The following CYRIB variants were observed in gnomAD, a reference collection of about 807,000 sequenced individuals.
CYRIB encodes CYFIP related Rac1 interactor B, also known as CYFIP-related Rac1 interactor B.
CYRIB carries 8 observed loss-of-function variants against 44.2 expected under a neutral mutation model. That is an observed-to-expected ratio of 0.18 (90% CI 0.11 to 0.33). The LOEUF (loss-of-function observed/expected upper bound fraction) is 0.33. Among genes scored for constraint, CYRIB ranks in the 10% least tolerant of loss-of-function variants. The pLI is 1.00. For synonymous variants in CYRIB, 131 were observed against 127.2 expected (o/e 1.03, Z -0.20); for missense variants, 185 against 382.8 (o/e 0.48, Z 4.31).
intron 7 of CYRIB, among the ~76,000 whole-genome samples, chr8:129,852,704 G>T (rs2043970491): frequency 6.6e-6 from 1 of 152,204 alleles, no homozygotes; most frequent in Non-Finnish European, 1.5e-5. Context: ...TCCTTTTGCA[G>T]GTCATATTGG....
intron 1 of CYRIB, among the ~76,000 whole-genome samples, chr8:129,991,061 G>A (rs1417242025): frequency 2.7e-5 from 4 of 150,462 alleles, no homozygotes; most frequent in Non-Finnish European, 2.9e-5. Flanking sequence ...GAGCCCAGGA[G>A]GTGAGGGTTG....
intron 2 of CYRIB, among the ~76,000 whole-genome samples, chr8:129,883,363 C>A (rs748411011): frequency 1.3e-5 from 2 of 151,922 alleles, no homozygotes; most frequent in Non-Finnish European, 2.9e-5. Flanking sequence ...GCAAAATCAC[C>A]CGACTGAGAA....
At chr8:129,952,005 C>G (rs1192343402) in intron 2 of CYRIB, among the ~76,000 whole-genome samples, 1 of 152,060 alleles carries the variant, frequency 6.6e-6, no homozygotes, top group African/African-American at 2.4e-5. Context: ...GAACAAAGTA[C>G]AAAACTACAT....
chr8:129,930,256 T>C (rs1193069796), intron 1 of CYRIB, among the ~76,000 whole-genome samples: 1 of 149,294 alleles, frequency 6.7e-6, no homozygotes, highest in Non-Finnish European at 1.5e-5. Flanking sequence ...ATCTCTTACT[T>C]ATGAGACCCT....
chr8:129,929,641 A>C (rs530962831), intron 1 of CYRIB, among the ~76,000 whole-genome samples: 1 of 152,332 alleles, frequency 6.6e-6, no homozygotes, highest in South Asian at 2.1e-4. Context: ...AAAACAAAAC[A>C]TTTTAAATGA....
chr8:129,865,685 T>A (rs191611882), intron 4 of CYRIB, among the ~76,000 whole-genome samples: 2 of 152,340 alleles, frequency 1.3e-5, no homozygotes, highest in East Asian at 3.9e-4. Flanking sequence ...TAAGTTCACA[T>A]AAAAGTTCCA....
chr8:129,903,143 A>G (rs1376507774), intron 2 of CYRIB, 169 bp downstream of exon 4: 2 of 152,616 alleles, frequency 1.3e-5, no homozygotes, highest in African/African-American at 4.8e-5. Flanking sequence ...ACCAGGTCCT[A>G]TTCTAAGCCA....
chr8:130,014,337 G>A (rs2097293747), intron 1 of CYRIB, among the ~76,000 whole-genome samples: 2 of 152,196 alleles, frequency 1.3e-5, no homozygotes, highest in Admixed American at 1.3e-4. Flanking sequence ...GGCTGAGGTA[G>A]GAGGATGGCT....
At chr8:129,992,995 T>C (rs1174812734) in intron 1 of CYRIB, among the ~76,000 whole-genome samples, 4 of 152,134 alleles carry the variant, frequency 2.6e-5, no homozygotes, top group Admixed American at 2.6e-4. Context: ...CTTTAAATTC[T>C]ACAAAACAAA....
intron 1 of CYRIB, among the ~76,000 whole-genome samples, chr8:129,975,221 G>A (rs1321225696): frequency 6.6e-6 from 1 of 150,996 alleles, no homozygotes; most frequent in African/African-American, 2.4e-5. Context: ...TCACCATATT[G>A]CCCAGGCTGG....
intron 1 of CYRIB, among the ~76,000 whole-genome samples, chr8:129,998,278 C>T (rs1009562832): frequency 1.3e-5 from 2 of 152,114 alleles, no homozygotes; most frequent in Non-Finnish European, 2.9e-5. Flanking sequence ...CACACTACGT[C>T]CTTCCAAGTC....
Position 129,992,704 on chromosome 8 carries a change from C to T in CYRIB, c.-295-21709G>A, listed in dbSNP as rs1363545935. On this transcript the variant is annotated intron_variant, in intron 1 of 14. Coordinates refer to the CYRIB transcript ENST00000401979. ...TGATCACCCATTGTTCGTATCTCTA[C>T]CTTTCTTTGTCATGTATGTGTTTAT... is the stretch of plus-strand genomic sequence containing the variant. 2.6e-5 allele frequency among the ~76,000 whole-genome samples: 4 copies of T among 152,188 alleles called. No homozygotes were observed. In the East Asian group the frequency reaches 7.7e-4, roughly 29 times the overall value.
intron 2 of CYRIB, chr8:129,890,622 G>T (rs1273000338): frequency 1.3e-5 from 2 of 152,216 alleles, no homozygotes; most frequent in East Asian, 1.9e-4. Context: ...GCCAGGCGTG[G>T]TGGCTCACAT....
At chr8:129,942,193 G>A (rs189812597), upstream of CYRIB, among the ~76,000 whole-genome samples, 190 of 152,280 alleles carry the variant, frequency 1.2e-3, 1 homozygote, top group Middle Eastern at 0.02. Context: ...ACAAAAATTA[G>A]CTGGGCGTGG....
intron 1 of CYRIB, among the ~76,000 whole-genome samples, chr8:129,984,010 C>T (rs1319795857): frequency 6.6e-6 from 1 of 152,218 alleles, no homozygotes; most frequent in Admixed American, 6.5e-5. Context: ...AATCGGAGAT[C>T]AGGGTTTACA....
intron 11 of CYRIB, among the ~76,000 whole-genome samples, chr8:129,845,256 C>A (rs1586831876): frequency 6.6e-6 from 1 of 152,172 alleles, no homozygotes; most frequent in Non-Finnish European, 1.5e-5. Flanking sequence ...ATCTCAATTA[C>A]CTTCAAGTTT....
intron 1 of CYRIB, among the ~76,000 whole-genome samples, chr8:130,012,075 A>C (rs1230867949): frequency 1.3e-5 from 2 of 152,122 alleles, no homozygotes; most frequent in African/African-American, 2.4e-5. Flanking sequence ...ATTATCTTAA[A>C]TATTTATAAA....
chr8:129,864,903 T>C, intron 4 of CYRIB: 1 of 373,788 alleles, frequency 2.7e-6, no homozygotes. Context: ...ACCCAACAGA[T>C]CACCATACCA....
At chr8:129,933,487 G>T (rs1344331661) in intron 1 of CYRIB, among the ~76,000 whole-genome samples, 1 of 152,190 alleles carries the variant, frequency 6.6e-6, no homozygotes, top group Non-Finnish European at 1.5e-5. Flanking sequence ...TCTGGACAGG[G>T]TTTACAGGGG....
Sources: gnomAD v4.1 joint callset for allele counts (sites outside exome capture counted in the v4.1 genomes callset) on GRCh38, gnomAD v4.1.1 for gene constraint, MANE v1.5 for transcripts, NCBI Gene and HGNC (gene_info 2026-07-23, HGNC 2026-07-21) for gene names.